GREB1: variants seen among roughly 807,000 people sequenced by gnomAD.
The protein encoded by GREB1 is protein GREB1.
Under a neutral mutation model 200.7 loss-of-function variants are expected in GREB1, and 106 were observed. The ratio of observed to expected loss-of-function variants is 0.53; its 90% CI spans 0.45 to 0.62. The LOEUF is 0.62. Among genes scored for constraint, GREB1 ranks in the 20% least tolerant of loss-of-function variants. The pLI is 0.00. For missense variants in GREB1, 2,243 were observed against 2,556.8 expected (o/e 0.88, Z 2.65); for synonymous variants, 1,132 against 1,092.4 (o/e 1.04, Z -0.72).
chr2:11,602,389 G>A lies in GREB1; in HGVS notation c.2530-17G>A, dbSNP rs766412449. 1.6e-5 allele frequency: 25 copies of A among 1,612,342 alleles called. No homozygotes were observed. The highest frequency in any genetic ancestry group is 4.5e-5 in the East Asian group (2 of 44,868). On this transcript the variant is annotated splice_polypyrimidine_tract_variant and intron_variant, in intron 16 of 32. Coordinates refer to ENST00000381486, the MANE Select transcript of GREB1 (RefSeq NM_014668.4). ...CGAATGCAGTGTTGGAGTGACCGAC[G>A]CTCTTCTTTGTTTTAGGGAGTGGAC... is the stretch of plus-strand genomic sequence containing the variant.
At chr2:11,552,837 C>T (rs1298861241) in intron 1 of GREB1, among the ~76,000 whole-genome samples, 1 of 151,862 alleles carries the variant, frequency 6.6e-6, no homozygotes, top group Non-Finnish European at 1.5e-5. Context: ...CGGTGAAACC[C>T]CGTCTCTACT....
chr2:11,625,214 A>G lies in GREB1; in HGVS notation c.4208A>G (p.Glu1403Gly). ...CTTAGCGACCCCTGGCCAGACCTGGAGCTGTTCAAGAAGTTGCCCTTTGAC... is the reference window on the plus strand; with the variant it reads ...CTTAGCGACCCCTGGCCAGACCTGGGGCTGTTCAAGAAGTTGCCCTTTGAC... ...LQLSDPWPDL[E>G]LFKKLPFDYI... Residue 1403 changes from glutamate (E) to glycine (G), a missense_variant, in exon 24 of 33, where the codon GAG becomes GGG. Physicochemically the swap from Glu to Gly is moderately conservative, Grantham distance 98. Transcript: ENST00000381486. 1 of 1,614,010 alleles carries G rather than the reference A, an allele frequency of 6.2e-7. No individual in the cohort carries two copies. The highest frequency in any genetic ancestry group is 1.1e-5 in the South Asian group (1 of 91,070).
chr2:11,591,369 A>G (rs757088211), intron 10 of GREB1: 1 of 733,412 alleles, frequency 1.4e-6, no homozygotes, highest in South Asian at 1.5e-5. Flanking sequence ...CACCTTCTAA[A>G]TGGAAGCCTG....
chr2:11,624,894 G>A (rs1486342454), intron 23 of GREB1, among the ~76,000 whole-genome samples: 1 of 152,046 alleles, frequency 6.6e-6, no homozygotes, highest in Non-Finnish European at 1.5e-5. Flanking sequence ...TTCTTCCAAT[G>A]TGGCCCAGGG....
intron 1 of GREB1, among the ~76,000 whole-genome samples, chr2:11,535,187 A>C (rs891277908): frequency 6.6e-6 from 1 of 152,146 alleles, no homozygotes; most frequent in Admixed American, 6.5e-5. Context: ...CACTCCTCCC[A>C]ACACTTGTCT....
At chr2:11,538,219 T>G (rs1050013284) in intron 1 of GREB1, among the ~76,000 whole-genome samples, 2 of 152,126 alleles carry the variant, frequency 1.3e-5, no homozygotes, top group Non-Finnish European at 2.9e-5. Flanking sequence ...CACTGCCCTT[T>G]CTAGGGAGGC....
At position 11,580,596 on chromosome 2, in the gene GREB1, G is replaced by C. The variant is rs187074646; in HGVS notation, c.773-108G>C. On this transcript the variant is annotated intron_variant, in intron 6 of 32. Transcript: ENST00000381486. The surrounding 1 kb of genome is among the most constrained non-coding windows in gnomAD (Gnocchi z 4.5). Reference sequence around the variant, plus strand: ...TTCTGACCTCCTGATGAGACTTGCTGGGGAAAAGCTAGTTTGTGAAACTGC... The same window carrying C: ...TTCTGACCTCCTGATGAGACTTGCTCGGGAAAAGCTAGTTTGTGAAACTGC... The C allele has an allele frequency of 5.5e-4, 721 of 1,311,178 alleles. 4 individuals carry two copies. The African/African-American group carries it at 9.4e-3, about 17-fold the overall frequency. The allele number at this position is 1,311,178 out of a possible 1,614,324, so 81.2% of individuals were successfully genotyped here.
At chr2:11,628,926 G>C (rs946925845) in intron 25 of GREB1, among the ~76,000 whole-genome samples, 1 of 152,224 alleles carries the variant, frequency 6.6e-6, no homozygotes, top group African/African-American at 2.4e-5. Flanking sequence ...TGCGGGTGCA[G>C]AGGCCGCGTG....
At chr2:11,601,719 GC>G (rs1189252315) in intron 16 of GREB1, among the ~76,000 whole-genome samples, 1 of 152,236 alleles carries the variant, frequency 6.6e-6, no homozygotes, top group Non-Finnish European at 1.5e-5. Context: ...GGGAAGCCCT[GC>G]CCAAAGTGCT....
At chr2:11,557,202 G>T (rs775596303) in intron 2 of GREB1, among the ~76,000 whole-genome samples, 2 of 152,030 alleles carry the variant, frequency 1.3e-5, no homozygotes, top group Non-Finnish European at 2.9e-5. Flanking sequence ...AAAACCAAAA[G>T]CAAACATTAT....
intron 11 of GREB1, 31 bp from the exon 12 acceptor site, chr2:11,595,220 A>G (rs1681101885): frequency 6.3e-7 from 1 of 1,595,708 alleles, no homozygotes; most frequent in Non-Finnish European, 8.6e-7. Context: ...GGAAGATACA[A>G]TGGGTACTGT....
At chr2:11,599,711 AG>A (rs763209434) in intron 15 of GREB1, among the ~76,000 whole-genome samples, 43 of 151,970 alleles carry the variant, frequency 2.8e-4, no homozygotes, top group Admixed American at 5.9e-4. Context: ...TAGTAGAGAC[AG>A]GGTTTCACCG....
Position 11,586,192 on chromosome 2 carries a change from G to A in GREB1, c.1159+287G>A, listed in dbSNP as rs370118348. On this transcript the variant is annotated intron_variant, in intron 9 of 32. Transcript: ENST00000381486. ...TGCCTGTTCACTCATTCTTTCCTTCGTTTGCTCAGCTTCATTGAGCTTCTG... is the reference window on the plus strand; with the variant it reads ...TGCCTGTTCACTCATTCTTTCCTTCATTTGCTCAGCTTCATTGAGCTTCTG... Among the ~76,000 whole-genome samples the A allele has an allele frequency of 7.2e-5, 11 of 152,162 alleles. No individual in the cohort carries two copies. In the East Asian group the frequency reaches 7.7e-4, roughly 11 times the overall value.
chr2:11,600,895 T>G lies in GREB1; in HGVS notation c.2429T>G (p.Ile810Ser), dbSNP rs754823146. 2 of 1,614,044 alleles carry G rather than the reference T, an allele frequency of 1.2e-6. No homozygotes were observed. The highest frequency in any genetic ancestry group is 1.7e-6 in the Non-Finnish European group (2 of 1,179,944). Residue 810 changes from isoleucine to serine, a missense_variant, in exon 16 of 33, where the codon ATT (isoleucine) becomes AGT (serine). This residue lies in a region of GREB1 where 1,178 missense variants were observed against 1,387.4 expected (regional missense o/e 0.85). Coordinates refer to ENST00000381486, the MANE Select transcript of GREB1 (RefSeq NM_014668.4). ...AGGGAGGTGAAGGAGGCCCCCAACA[T>G]TGTGACACTTCACGTGACCTCCTTC... The part of the protein sequence containing the change: ...NCREVKEAPN[I>S]VTLHVTSFPY...
chr2:11,544,009 A>G (rs1485213838), intron 1 of GREB1, among the ~76,000 whole-genome samples: 1 of 152,106 alleles, frequency 6.6e-6, no homozygotes, highest in Non-Finnish European at 1.5e-5. Context: ...ACCCAGAGCC[A>G]AGTGTTATCT....
intron 16 of GREB1, 26 bp downstream of exon 16, chr2:11,601,021 C>T (rs1314780168): frequency 1.3e-6 from 2 of 1,583,262 alleles, no homozygotes; most frequent in Non-Finnish European, 1.7e-6. Flanking sequence ...CTGCTGGGCC[C>T]TTGTGTAGCA....
intron 7 of GREB1, 72 bp from the exon 8 acceptor site, chr2:11,585,089 C>T: frequency 1.3e-6 from 1 of 784,512 alleles, no homozygotes; most frequent in South Asian, 2.6e-5. Context: ...TCATTGTTCT[C>T]CAAACCAAGG....
At chr2:11,578,510 G>A (rs766150874) in intron 6 of GREB1, 79 bp downstream of exon 6, 61 of 1,431,432 alleles carry the variant, frequency 4.3e-5, no homozygotes, top group South Asian at 3.9e-4. Flanking sequence ...TGACTATGCC[G>A]TCAAGCATTC....
At chr2:11,568,285 A>C (rs965968863) in intron 4 of GREB1, among the ~76,000 whole-genome samples, 13 of 152,160 alleles carry the variant, frequency 8.5e-5, no homozygotes, top group Non-Finnish European at 1.8e-4. Context: ...AAGGATGAAG[A>C]ATGGAGAGAG....
Sources: allele counts gnomAD v4.1 joint callset (sites outside exome capture counted in the v4.1 genomes callset), GRCh38; gene constraint gnomAD v4.1.1; regional missense constraint gnomAD v4.1.1; non-coding constraint Gnocchi (gnomAD v3.1); transcripts MANE v1.5; gene names NCBI Gene and HGNC (gene_info 2026-07-23, HGNC 2026-07-21).